Variants in HERC2 observed in about 807,000 individuals in gnomAD.
HERC2 encodes the protein E3 ubiquitin-protein ligase HERC2.
HERC2 carries 102 observed loss-of-function variants against 537.7 expected under a neutral mutation model. The observed-to-expected ratio is 0.19, with a 90% confidence interval of 0.16 to 0.22. The LOEUF is 0.22. Among genes scored for constraint, HERC2 ranks in the 10% least tolerant of loss-of-function variants. The pLI, the probability that HERC2 is intolerant of heterozygous loss-of-function variation, is 1.00. For missense variants in HERC2, 4,236 were observed against 6,198.2 expected, an observed-to-expected ratio of 0.68 and a Z score of 10.63; for synonymous variants, 2,224 against 2,466.2, an observed-to-expected ratio of 0.90 and a Z score of 2.91.
chr15:28,311,890 A>G (rs986167691), intron 2 of HERC2, among the ~76,000 whole-genome samples: 3 of 152,116 alleles, frequency 2.0e-5, no homozygotes, highest in Non-Finnish European at 4.4e-5. Context: ...AAAAAAAGCC[A>G]AAAGATGGAA....
chr15:28,145,213 A>G (rs1891609452), intron 71 of HERC2, among the ~76,000 whole-genome samples: 1 of 152,238 alleles, frequency 6.6e-6, no homozygotes, highest in African/African-American at 2.4e-5. Flanking sequence ...AGCAGAAGGA[A>G]GAACCCTAGC....
At chr15:28,284,722 C>T (rs2076107653) in intron 4 of HERC2, among the ~76,000 whole-genome samples, 1 of 151,838 alleles carries the variant, frequency 6.6e-6, no homozygotes, top group Non-Finnish European at 1.5e-5. Context: ...TGAGACCAGC[C>T]TGGCCAACAT....
chr15:28,198,838 T>C, intron 48 of HERC2, 69 bp from the exon 49 acceptor site: 1 of 1,366,508 alleles, frequency 7.3e-7, no homozygotes, highest in Non-Finnish European at 1.0e-6. Context: ...TGATAAGTAG[T>C]ATTACTCTAC....
Position 28,113,394 on chromosome 15 carries a change from C to A in HERC2, c.14020-111G>T. The A allele has an allele frequency of 8.1e-7, 1 of 1,233,576 alleles. No individual in the cohort carries two copies. The highest frequency in any genetic ancestry group is 1.2e-6 in the Non-Finnish European group (1 of 863,832). 76.4% of individuals were successfully genotyped at this position (1,233,576 alleles called of 1,614,324 possible). A position where few individuals can be genotyped will look rare whatever the true frequency, so the allele number is the denominator to read the frequency against. ...AGGCCTGTTTGGGGTGGGGAAAGGT[C>A]TGGGGGCTCTGGGTGGGCCCACACA... On this transcript the variant is annotated intron_variant, in intron 91 of 92. Transcript: ENST00000261609. This position sits in a 1 kb window ranked among gnomAD's most constrained non-coding sequence, Gnocchi z 7.0.
chr15:28,306,371 C>T (rs1197517204), intron 2 of HERC2, among the ~76,000 whole-genome samples: 1 of 152,204 alleles, frequency 6.6e-6, no homozygotes, highest in Non-Finnish European at 1.5e-5. Flanking sequence ...ATGTATCAAA[C>T]TGATTGATTT....
intron 36 of HERC2, among the ~76,000 whole-genome samples, chr15:28,220,929 C>G (rs1900463150): frequency 7.9e-6 from 1 of 126,368 alleles, no homozygotes; most frequent in African/African-American, 3.0e-5. Flanking sequence ...ATGGCTCCCA[C>G]CAGACCTGTT....
At chr15:28,130,076 G>A in intron 83 of HERC2, 87 bp downstream of exon 83, 1 of 1,523,120 alleles carries the variant, frequency 6.6e-7, no homozygotes, top group Non-Finnish European at 9.0e-7. Context: ...CCTGGCCTGT[G>A]CCCCCTTTTA....
intron 14 of HERC2, among the ~76,000 whole-genome samples, chr15:28,264,417 A>G (rs902670487): frequency 6.6e-6 from 1 of 152,220 alleles, no homozygotes; most frequent in East Asian, 1.9e-4. Context: ...CAGAGATCGG[A>G]GCATGCATTT....
Position 28,121,470 on chromosome 15 carries a change from G to A in HERC2, c.13189-41C>T, listed in dbSNP as rs775184121. 297 of 1,460,506 alleles carry A rather than the reference G, an allele frequency of 2.0e-4. 3 individuals are homozygous for A. The highest frequency in any genetic ancestry group is 6.5e-4 in the Admixed American group (39 of 59,788). 90.5% of individuals were successfully genotyped at this position (1,460,506 alleles called of 1,614,324 possible). A position where few individuals can be genotyped will look rare whatever the true frequency, so the allele number is the denominator to read the frequency against. On this transcript the variant is annotated intron_variant, in intron 85 of 92. Transcript: ENST00000261609. The stretch of plus-strand genomic sequence containing the variant: ...CAGACAAAATTTAGAATCTGATATG[G>A]AAAGCATCACTCCTGAAGAAATCAT...
At chr15:28,190,021 T>C (rs1217530782) in intron 55 of HERC2, among the ~76,000 whole-genome samples, 2 of 150,724 alleles carry the variant, frequency 1.3e-5, no homozygotes, top group Admixed American at 6.6e-5. Flanking sequence ...CTTTTTTTTT[T>C]TTTTGAGACA....
chr15:28,305,458 G>GA lies in HERC2; in HGVS notation c.73-5943dup, dbSNP rs1206608927. On this transcript the variant is annotated intron_variant, in intron 2 of 92. Coordinates refer to ENST00000261609, the MANE Select transcript of HERC2 (RefSeq NM_004667.6). The stretch of plus-strand genomic sequence containing the variant: ...TTCCCTATTTAATAAATGGTGCTGG[G>GA]AAAACTGGCTAGCCATATGTAGAAA... Among the ~76,000 whole-genome samples the GA allele has an allele frequency of 6.8e-5, 9 of 131,476 alleles. No individual in the cohort carries two copies. The South Asian group carries it at 2.6e-3, about 37-fold the overall frequency. 86.3% of individuals were successfully genotyped at this position (131,476 alleles called of 152,430 possible).
At chr15:28,298,159 T>G (rs1233240762) in intron 3 of HERC2, among the ~76,000 whole-genome samples, 3 of 149,940 alleles carry the variant, frequency 2.0e-5, no homozygotes, top group East Asian at 3.9e-4. Flanking sequence ...TGTTTTTTGT[T>G]TTTTTTTTTT....
Position 28,254,502 on chromosome 15 carries a change from T to C in HERC2, c.2888A>G (p.Lys963Arg), listed in dbSNP as rs749564811. ...TAEIQDIEAKKEAQKEKEIDE... is the reference protein window; with the variant it reads ...TAEIQDIEAKREAQKEKEIDE... ...AATTTCTTTTTCCTTCTGTGCTTCT[T>C]TTTTGGCTTCAATATCCTGTAATTC... Residue 963 changes from lysine to arginine, a missense_variant, in exon 20 of 93, where the codon AAA becomes AGA. By Grantham distance (26) the Lys-to-Arg change is conservative. Coordinates refer to ENST00000261609, the MANE Select transcript of HERC2 (RefSeq NM_004667.6). The C allele has an allele frequency of 8.2e-6, 13 of 1,594,676 alleles. No individual in the cohort carries two copies. In the South Asian group the frequency reaches 1.5e-4, roughly 18 times the overall value.
intron 79 of HERC2, among the ~76,000 whole-genome samples, chr15:28,135,231 C>G (rs1022084473): frequency 2.0e-5 from 3 of 152,186 alleles, no homozygotes; most frequent in Non-Finnish European, 4.4e-5. Context: ...CAAAAAAACA[C>G]TTACTTAGTA....
At chr15:28,189,281 G>C (rs1344660370) in intron 55 of HERC2, among the ~76,000 whole-genome samples, 1 of 152,108 alleles carries the variant, frequency 6.6e-6, no homozygotes, top group Non-Finnish European at 1.5e-5. Flanking sequence ...AGTATCACAG[G>C]ATGAATGGTT....
At chr15:28,250,773 C>G (rs1371165641) in intron 20 of HERC2, among the ~76,000 whole-genome samples, 1 of 152,082 alleles carries the variant, frequency 6.6e-6, no homozygotes, top group Non-Finnish European at 1.5e-5. Context: ...CCTTCACTCA[C>G]AAACACTTAA....
Position 28,260,903 on chromosome 15 carries a change from G to A in HERC2, c.2190C>T (p.Val730=). 6.2e-7 allele frequency: 1 copy of A among 1,614,192 alleles called. No individual in the cohort carries two copies. The change falls in exon 16 of 93, where the codon GTC becomes GTT. Residue 730 remains valine (V), a synonymous_variant. Transcript: ENST00000261609. ...ACTGGTCGTTGCTCCCCCAGCTGTG[G>A]ACCTCGCTGTCCTCAGTCAGAGCCA... ...HCLALTEDSE[V]HSWGSNDQCQ...
Position 28,228,222 on chromosome 15 carries a change from C to G in HERC2, c.5460G>C (p.Leu1820=), listed in dbSNP as rs1901437725. The G allele has an allele frequency of 6.2e-7, 1 of 1,613,172 alleles. No individual in the cohort carries two copies. Among genetic ancestry groups the G allele is most frequent in the Non-Finnish European group, 8.5e-7 (1 of 1,179,750 alleles). Residue 1820 remains leucine, a synonymous_variant, in exon 35 of 93, where the codon CTG becomes CTC. Coordinates refer to ENST00000261609, the MANE Select transcript of HERC2 (RefSeq NM_004667.6). ...CTCAAGCGGGTGCAGACCTACCAAT[C>G]AGGCGCAGTGCCGTCTGCGTGAGGG... ...MLALTQTALR[L]IGPSCDNVEE... is the part of the protein sequence containing the mutation.
intron 4 of HERC2, among the ~76,000 whole-genome samples, chr15:28,291,307 C>T (rs1001981393): frequency 1.2e-4 from 18 of 152,052 alleles, no homozygotes; most frequent in African/African-American, 3.4e-4. Flanking sequence ...TCACTGCAGC[C>T]GCAAACTGCT....
Sources: allele counts gnomAD v4.1 joint callset (sites outside exome capture counted in the v4.1 genomes callset), GRCh38; gene constraint gnomAD v4.1.1; non-coding constraint Gnocchi (gnomAD v3.1); transcripts MANE v1.5; gene names NCBI Gene and HGNC (gene_info 2026-07-23, HGNC 2026-07-21).